Variants in TBC1D22A observed in about 807,000 individuals in gnomAD.
TBC1D22A encodes putative GTPase activator.
TBC1D22A carries 38 observed loss-of-function variants against 60.2 expected under a neutral mutation model. The ratio of observed to expected loss-of-function variants is 0.63; its 90% CI spans 0.49 to 0.83. The LOEUF (loss-of-function observed/expected upper bound fraction) is 0.83. Among genes scored for constraint, TBC1D22A ranks in the 40% least tolerant of loss-of-function variants. The probability of loss-of-function intolerance (pLI) is 0.00; values close to 1 mark genes in which losing one functional copy is unlikely to be tolerated. For synonymous variants in TBC1D22A, 302 were observed against 281.7 expected (o/e 1.07, Z -0.72); for missense variants, 628 against 701.0 (o/e 0.90, Z 1.18).
chr22:46,830,565 T>G (rs2086266230), intron 4 of TBC1D22A, among the ~76,000 whole-genome samples: 1 of 152,196 alleles, frequency 6.6e-6, no homozygotes, highest in Non-Finnish European at 1.5e-5. Context: ...TCCCAGTGCC[T>G]CTTTGAGCTT....
intron 4 of TBC1D22A, among the ~76,000 whole-genome samples, chr22:46,854,007 C>T (rs527906245): frequency 7.9e-5 from 12 of 152,320 alleles, no homozygotes; most frequent in East Asian, 3.9e-4. Flanking sequence ...CGATTTCCCC[C>T]GCTGTCTCCG....
rs548896160 is a variant in TBC1D22A, at chr22:46,901,550, C to T, written c.900+6704C>T. On this transcript the variant is annotated intron_variant, in intron 7 of 12. Coordinates refer to ENST00000337137, the MANE Select transcript of TBC1D22A (RefSeq NM_014346.5). ...CACCAAATGTGGCATTTCTGCTCAT[C>T]GCGAGAGAGTTCTACCCATTAATTA... is the stretch of plus-strand genomic sequence containing the variant. 4.6e-5 allele frequency among the ~76,000 whole-genome samples: 7 copies of T among 152,268 alleles called. No individual in the cohort carries two copies. The East Asian group carries it at 5.8e-4, about 13-fold the overall frequency.
intron 8 of TBC1D22A, among the ~76,000 whole-genome samples, chr22:46,961,372 GC>G (rs1426487711): frequency 3.3e-5 from 5 of 152,174 alleles, no homozygotes; most frequent in African/African-American, 1.2e-4. Flanking sequence ...TTCTGCCGCA[GC>G]CAGCTCAAAG....
At chr22:47,093,730 G>A (rs2065068853) in intron 11 of TBC1D22A, among the ~76,000 whole-genome samples, 2 of 152,220 alleles carry the variant, frequency 1.3e-5, no homozygotes, top group African/African-American at 4.8e-5. Flanking sequence ...AGTCATCACT[G>A]TAATGGTTAA....
intron 3 of TBC1D22A, among the ~76,000 whole-genome samples, chr22:46,795,221 C>T (rs1270406122): frequency 6.6e-6 from 1 of 152,370 alleles, no homozygotes; most frequent in Non-Finnish European, 1.5e-5. Context: ...CAGTCCTGGG[C>T]AGCGCCCTTC....
At chr22:47,092,254 G>A (rs558944766) in intron 11 of TBC1D22A, among the ~76,000 whole-genome samples, 2 of 152,304 alleles carry the variant, frequency 1.3e-5, no homozygotes, top group South Asian at 2.1e-4. Flanking sequence ...TGCACTGTGC[G>A]TGGGTGTCCT....
rs1052520953 is a variant in TBC1D22A at position 46,797,539 on chromosome 22, A to G, written c.556A>G (p.Ser186Gly). ...LGGTSDPSTL[S>G]SSALSEREAS... ...TGGCACATCTGACCCCAGCACTCTCAGCAGCTCAGCGCTGAGCGAAAGAGA... is the reference window on the plus strand; with the variant it reads ...TGGCACATCTGACCCCAGCACTCTCGGCAGCTCAGCGCTGAGCGAAAGAGA... The change falls in exon 4 of 13, where the codon AGC becomes GGC. Residue 186 changes from serine to glycine, a missense_variant. By Grantham distance (56) the Ser-to-Gly change is moderately conservative. Transcript: ENST00000337137. The G allele has an allele frequency of 1.2e-6, 2 of 1,613,950 alleles. No homozygotes were observed. Among genetic ancestry groups the G allele is most frequent in the Admixed American group, 3.3e-5 (2 of 60,002 alleles).
chr22:46,846,810 T>A (rs1262125840), intron 4 of TBC1D22A, among the ~76,000 whole-genome samples: 1 of 152,078 alleles, frequency 6.6e-6, no homozygotes, highest in Non-Finnish European at 1.5e-5. Context: ...GTCCCATTCT[T>A]TTCTTTTTCT....
At chr22:47,167,930 CTGTCTGTCTAGGAACT>C (rs1234999241) in intron 12 of TBC1D22A, among the ~76,000 whole-genome samples, 1 of 152,222 alleles carries the variant, frequency 6.6e-6, no homozygotes, top group African/African-American at 2.4e-5. Context: ...GGACCCATCC[CTGTCTGTCTAGGAACT>C]TGTCTGTCTC....
intron 12 of TBC1D22A, among the ~76,000 whole-genome samples, chr22:47,159,736 CA>C (rs1268882579): frequency 6.6e-6 from 1 of 151,624 alleles, no homozygotes; most frequent in African/African-American, 2.4e-5. Context: ...CACTGCACAC[CA>C]TTCATCATGT....
intron 1 of TBC1D22A, among the ~76,000 whole-genome samples, chr22:46,784,354 C>T (rs2084070179): frequency 6.6e-6 from 1 of 152,164 alleles, no homozygotes; most frequent in Non-Finnish European, 1.5e-5. Flanking sequence ...AGCCACCATA[C>T]CTGGCTGGTT....
At chr22:47,001,095 G>A (rs1417365638) in intron 10 of TBC1D22A, among the ~76,000 whole-genome samples, 1 of 152,092 alleles carries the variant, frequency 6.6e-6, no homozygotes, top group African/African-American at 2.4e-5. Flanking sequence ...CATACAGTTT[G>A]TGAGACCCAG....
intron 12 of TBC1D22A, among the ~76,000 whole-genome samples, chr22:47,129,091 C>G (rs2066594278): frequency 6.6e-6 from 1 of 152,194 alleles, no homozygotes; most frequent in Non-Finnish European, 1.5e-5. Context: ...CTTGGCCCTT[C>G]TGGAGTTACT....
intron 12 of TBC1D22A, among the ~76,000 whole-genome samples, chr22:47,126,162 A>G (rs2066448872): frequency 6.6e-6 from 1 of 152,142 alleles, no homozygotes; most frequent in Non-Finnish European, 1.5e-5. Context: ...TTGAATTTTT[A>G]GTAGAGACGG....
At chr22:46,830,479 C>T (rs1405943240) in intron 4 of TBC1D22A, among the ~76,000 whole-genome samples, 1 of 152,184 alleles carries the variant, frequency 6.6e-6, no homozygotes, top group African/African-American at 2.4e-5. Context: ...GTCCTCATTC[C>T]AGCCCTGGCT....
intron 4 of TBC1D22A, among the ~76,000 whole-genome samples, 157 bp downstream of exon 4, chr22:46,797,777 A>G (rs1272962597): frequency 6.6e-6 from 1 of 152,254 alleles, no homozygotes; most frequent in Non-Finnish European, 1.5e-5. Context: ...AATATTTTCA[A>G]GTCAGTCACT....
chr22:46,885,908 ATT>A (rs60941179), intron 5 of TBC1D22A, among the ~76,000 whole-genome samples: 13 of 138,772 alleles, frequency 9.4e-5, no homozygotes, highest in Admixed American at 7.1e-5. Flanking sequence ...TACTGTTAGA[ATT>A]TTTTTTTTTT....
At chr22:46,972,624 C>T (rs1011257302) in intron 8 of TBC1D22A, among the ~76,000 whole-genome samples, 1 of 152,104 alleles carries the variant, frequency 6.6e-6, no homozygotes, top group Middle Eastern at 3.2e-3. Flanking sequence ...TTCGTGGTTG[C>T]CAGGCGTGGG....
chr22:47,129,628 C>T (rs1302063352), intron 12 of TBC1D22A, among the ~76,000 whole-genome samples: 2 of 152,338 alleles, frequency 1.3e-5, no homozygotes, highest in East Asian at 1.9e-4. Context: ...GAGGAAGGCT[C>T]AGCAGAGGGT....
Sources: gnomAD v4.1 joint callset for allele counts (sites outside exome capture counted in the v4.1 genomes callset) on GRCh38, gnomAD v4.1.1 for gene constraint, MANE v1.5 for transcripts, NCBI Gene and HGNC (gene_info 2026-07-23, HGNC 2026-07-21) for gene names.